KIAA1217: variants seen among roughly 807,000 people sequenced by gnomAD.
KIAA1217 encodes KIAA1217.
In KIAA1217, 88 loss-of-function variants were observed where a neutral mutation model predicts 163.9. The ratio of observed to expected loss-of-function variants is 0.54; its 90% CI spans 0.45 to 0.64. The LOEUF (loss-of-function observed/expected upper bound fraction) is 0.64, where lower values mean the gene tolerates loss of function less well. Ranked by LOEUF, KIAA1217 falls within the 30% of genes least tolerant of loss-of-function variation. The pLI, the probability that KIAA1217 is intolerant of heterozygous loss-of-function variation, is 0.00. For missense variants in KIAA1217, 2,372 were observed against 2,475.0 expected (o/e 0.96, Z 0.88); for synonymous variants, 903 against 923.1 (o/e 0.98, Z 0.39).
intron 2 of KIAA1217, among the ~76,000 whole-genome samples, chr10:24,329,013 A>G (rs1438891745): frequency 6.7e-6 from 1 of 149,944 alleles, no homozygotes; most frequent in Non-Finnish European, 1.5e-5. Flanking sequence ...TACATAGTAT[A>G]TAAGTAGCAC....
chr10:23,829,298 A>G (rs1296716067), intron 1 of KIAA1217, among the ~76,000 whole-genome samples: 1 of 152,170 alleles, frequency 6.6e-6, no homozygotes, highest in Non-Finnish European at 1.5e-5. Context: ...TTACCTGGAT[A>G]ATTACTGGAC....
At chr10:24,052,822 A>G (rs7086686) in intron 2 of KIAA1217, among the ~76,000 whole-genome samples, 14,002 of 152,078 alleles carry the variant, frequency 0.092, 970 homozygotes, top group African/African-American at 0.19. Flanking sequence ...AGTTTTATCA[A>G]TCTTGGCTAT....
intron 1 of KIAA1217, among the ~76,000 whole-genome samples, chr10:23,769,682 A>G (rs2130877043): frequency 6.6e-6 from 1 of 152,340 alleles, no homozygotes; most frequent in East Asian, 1.9e-4. Flanking sequence ...TCACTGTCTC[A>G]GTTATAATTT....
At chr10:24,541,388 G>T (rs2075051761) in intron 17 of KIAA1217, among the ~76,000 whole-genome samples, 1 of 152,008 alleles carries the variant, frequency 6.6e-6, no homozygotes, top group South Asian at 2.1e-4. Flanking sequence ...CTTGTACTTT[G>T]CACAGTATTT....
intron 2 of KIAA1217, among the ~76,000 whole-genome samples, chr10:24,280,289 G>C (rs1029706457): frequency 6.6e-6 from 1 of 152,198 alleles, no homozygotes; most frequent in South Asian, 2.1e-4. Context: ...CGTATTTTAA[G>C]GACAAAAGGC....
At chr10:24,009,381 AT>A (rs369494772) in intron 2 of KIAA1217, among the ~76,000 whole-genome samples, 4,524 of 148,394 alleles carry the variant, frequency 0.03, 82 homozygotes, top group African/African-American at 0.038. Flanking sequence ...ATCGACAGGG[AT>A]TTTTTTTTTT....
chr10:23,878,088 G>T (rs770043535), intron 1 of KIAA1217, among the ~76,000 whole-genome samples: 2 of 151,904 alleles, frequency 1.3e-5, no homozygotes, highest in African/African-American at 2.4e-5. Flanking sequence ...TCTTGGCAGG[G>T]AGGCTCTAAA....
intron 1 of KIAA1217, among the ~76,000 whole-genome samples, chr10:24,002,767 T>C (rs754285899): frequency 9.9e-5 from 15 of 152,274 alleles, no homozygotes; most frequent in Middle Eastern, 3.4e-3. Flanking sequence ...CAGTGAACAC[T>C]GTACCCAGTG....
chr10:24,342,209 G>A (rs2047181384), intron 2 of KIAA1217, among the ~76,000 whole-genome samples: 1 of 152,190 alleles, frequency 6.6e-6, no homozygotes, highest in Admixed American at 6.5e-5. Flanking sequence ...AGACAATTGA[G>A]AAACAAATCA....
intron 2 of KIAA1217, among the ~76,000 whole-genome samples, chr10:24,100,466 T>C (rs1386717683): frequency 6.6e-6 from 1 of 152,176 alleles, no homozygotes; most frequent in Non-Finnish European, 1.5e-5. Context: ...AAAATCAACA[T>C]AACTAACCAT....
chr10:23,892,584 A>G (rs1841460819), intron 1 of KIAA1217, among the ~76,000 whole-genome samples: 1 of 151,896 alleles, frequency 6.6e-6, no homozygotes, highest in Non-Finnish European at 1.5e-5. Context: ...AAAGTTATTA[A>G]TGGCATGCAT....
chr10:23,940,650 C>T (rs1034554246), intron 1 of KIAA1217, among the ~76,000 whole-genome samples: 2 of 152,006 alleles, frequency 1.3e-5, no homozygotes, highest in African/African-American at 4.8e-5. Context: ...TGTAACTGCA[C>T]ATGAAACTGG....
At chr10:24,163,936 T>C (rs2065230653) in intron 2 of KIAA1217, among the ~76,000 whole-genome samples, 1 of 152,200 alleles carries the variant, frequency 6.6e-6, no homozygotes, top group Non-Finnish European at 1.5e-5. Context: ...GCTGGAAGGA[T>C]CACTCACTAT....
At chr10:24,532,069 A>T in intron 15 of KIAA1217, 76 bp downstream of exon 15, 1 of 1,312,084 alleles carries the variant, frequency 7.6e-7, no homozygotes, top group Non-Finnish European at 9.9e-7. Context: ...CTCTGTTGGA[A>T]CATAAAAAGT....
At chr10:24,128,050 A>G (rs1190271153) in intron 2 of KIAA1217, among the ~76,000 whole-genome samples, 1 of 152,256 alleles carries the variant, frequency 6.6e-6, no homozygotes, top group Non-Finnish European at 1.5e-5. Flanking sequence ...TTAAGTATCT[A>G]CAACAAATTA....
At chr10:24,030,553 T>G (rs1848149681) in intron 2 of KIAA1217, among the ~76,000 whole-genome samples, 1 of 152,186 alleles carries the variant, frequency 6.6e-6, no homozygotes, top group South Asian at 2.1e-4. Flanking sequence ...TTTGGGCAGT[T>G]CTTTGTAGCG....
At chr10:23,731,539 T>C (rs1272509887) in intron 1 of KIAA1217, among the ~76,000 whole-genome samples, 1 of 152,108 alleles carries the variant, frequency 6.6e-6, no homozygotes, top group Non-Finnish European at 1.5e-5. Flanking sequence ...TGGTGGAGTC[T>C]TTTGAAAGGG....
At chr10:24,500,184 A>AGT (rs57872451) in intron 8 of KIAA1217, among the ~76,000 whole-genome samples, 12,236 of 143,112 alleles carry the variant, frequency 0.085, 639 homozygotes, top group African/African-American at 0.15. Context: ...ACTGAACAGA[A>AGT]GTGTGTGTGT....
intron 1 of KIAA1217, among the ~76,000 whole-genome samples, chr10:23,726,641 T>C (rs1838153465): frequency 6.6e-6 from 1 of 152,090 alleles, no homozygotes; most frequent in African/African-American, 2.4e-5. Flanking sequence ...AGAAAATTTT[T>C]GCAATCTACT....
Sources: gnomAD v4.1 joint callset for allele counts (sites outside exome capture counted in the v4.1 genomes callset) on GRCh38, gnomAD v4.1.1 for gene constraint, MANE v1.5 for transcripts, NCBI Gene and HGNC (gene_info 2026-07-23, HGNC 2026-07-21) for gene names.